Variants in MACF1 observed in about 807,000 individuals in gnomAD.
MACF1 encodes microtubule actin crosslinking factor 1, also known as microtubule-actin cross-linking factor 1.
In MACF1, 193 loss-of-function variants were observed where a neutral mutation model predicts 854.8. The observed-to-expected ratio is 0.23, with a 90% CI of 0.20 to 0.25. The LOEUF is 0.25. Among genes scored for constraint, MACF1 ranks in the 10% least tolerant of loss-of-function variants. The pLI is 1.00. For missense variants in MACF1, 7,722 were observed against 8,929.1 expected, an observed-to-expected ratio of 0.86 and a Z score of 5.45; for synonymous variants, 3,185 against 3,226.7, an observed-to-expected ratio of 0.99 and a Z score of 0.44.
chr1:39,336,801 T>A, intron 37 of MACF1, 148 bp downstream of exon 37: 1 of 803,144 alleles, frequency 1.2e-6, no homozygotes, highest in Non-Finnish European at 1.8e-6. Flanking sequence ...TATAACTTAG[T>A]TTATCATCAT....
intron 2 of MACF1, among the ~76,000 whole-genome samples, chr1:39,131,661 C>T (rs1222831706): frequency 6.6e-6 from 1 of 152,048 alleles, no homozygotes; most frequent in Non-Finnish European, 1.5e-5. Flanking sequence ...TGGAGGGAAG[C>T]TTTAAATACA....
rs1571043754 is a variant in MACF1, at chr1:39,105,067, C to T, written c.220+20629C>T. The stretch of plus-strand genomic sequence containing the variant: ...GTGGAGCCGGCCCGGGTCTCCCTGC[C>T]GTTCGGCCGGCCCAGCCTTTCATCC... On this transcript the variant is annotated intron_variant, in intron 2 of 93. Transcript: ENST00000361689. The surrounding 1 kb of genome is among the most constrained non-coding windows in gnomAD (Gnocchi z 5.9). 6.6e-6 allele frequency among the ~76,000 whole-genome samples: 1 copy of T among 152,178 alleles called. No homozygotes were observed. The highest frequency in any genetic ancestry group is 1.5e-5 in the Non-Finnish European group (1 of 68,000).
intron 44 of MACF1, among the ~76,000 whole-genome samples, chr1:39,356,670 C>T (rs781403242): frequency 1.3e-5 from 2 of 152,164 alleles, no homozygotes; most frequent in African/African-American, 2.4e-5. Flanking sequence ...CATGCCTGGC[C>T]AAACTTACAA....
At chr1:39,438,373 A>G (rs777801541) in intron 71 of MACF1, among the ~76,000 whole-genome samples, 1 of 152,202 alleles carries the variant, frequency 6.6e-6, no homozygotes, top group Non-Finnish European at 1.5e-5. Context: ...GCCCTTTTGT[A>G]AGTTAGGGGT....
upstream of MACF1, among the ~76,000 whole-genome samples, chr1:39,201,719 C>T (rs1644391657): frequency 1.3e-5 from 2 of 152,008 alleles, no homozygotes; most frequent in Admixed American, 1.3e-4. Context: ...AATGGCTTCC[C>T]GTTTCACCTA....
At chr1:39,382,236 C>A in intron 56 of MACF1, 84 bp downstream of exon 56, 1 of 1,273,688 alleles carries the variant, frequency 7.9e-7, no homozygotes, top group Non-Finnish European at 1.1e-6. Flanking sequence ...TCATGTGATC[C>A]TGGACAAGTC....
chr1:39,337,264 G>A lies in MACF1; in HGVS notation c.10148G>A (p.Arg3383Lys). The A allele has an allele frequency of 1.2e-6, 2 of 1,613,986 alleles. No homozygotes were observed. The highest frequency in any genetic ancestry group is 1.7e-6 in the Non-Finnish European group (2 of 1,179,956). Residue 3383 changes from arginine (R) to lysine (K), a missense_variant, in exon 38 of 101, where the codon AGG (arginine) becomes AAG (lysine). By Grantham distance (26) the Arg-to-Lys change is conservative. Around this residue, in one of 15 missense-constraint regions of MACF1, gnomAD observed 854 missense variants for 852.6 expected, o/e 1.00. Transcript: ENST00000564288. ...YLSLLRNIEM[R>K]TKQIQPLELN... ...TCTCTGTTACGGAACATTGAAATGA[G>A]GACCAAACAGATTCAACCTTTGGAG...
At chr1:39,444,134 G>A (rs1018449796) in intron 79 of MACF1, among the ~76,000 whole-genome samples, 2 of 152,124 alleles carry the variant, frequency 1.3e-5, no homozygotes, top group African/African-American at 4.8e-5. Context: ...AGGAGATCAA[G>A]ACCATCCTGG....
chr1:39,154,881 A>G (rs1296006126), intron 2 of MACF1, among the ~76,000 whole-genome samples: 3 of 152,126 alleles, frequency 2.0e-5, no homozygotes, highest in South Asian at 2.1e-4. Context: ...TGGAGACAGA[A>G]GGGCTTTTTT....
In MACF1 at chr1:39,233,775, CTTT is replaced by C. The variant is rs11286953; in HGVS notation, c.171+2552_171+2554del. On this transcript the variant is annotated intron_variant, in intron 2 of 100. Coordinates refer to ENST00000564288, the MANE Select transcript of MACF1 (RefSeq NM_001394062.1). Reference sequence around the variant, plus strand: ...TCATCTGTATGTTACCTAGCCATAGCTTTTTTTTTTTTTTTTTTTTTTATTTAT... The same window carrying C: ...TCATCTGTATGTTACCTAGCCATAGCTTTTTTTTTTTTTTTTTTTATTTAT... 2.3e-3 allele frequency among the ~76,000 whole-genome samples: 84 copies of C among 36,546 alleles called. 5 individuals are homozygous for C. The highest frequency in any genetic ancestry group is 9.8e-3 in the South Asian group (5 of 512). 24.0% of individuals were successfully genotyped at this position (36,546 alleles called of 152,430 possible).
chr1:39,141,656 A>C lies in MACF1; in HGVS notation c.220+57218A>C, dbSNP rs114388899. On this transcript the variant is annotated intron_variant, in intron 2 of 93. Coordinates refer to the MACF1 transcript ENST00000361689. ...TGCAGTCTTAGCTACAGTAATGGGG[A>C]TAGGACATGTTTCTTGCCTTGTAGA... Among the ~76,000 whole-genome samples the C allele has an allele frequency of 2.7e-3, 412 of 152,322 alleles. 1 individual carries two copies. Among genetic ancestry groups the C allele is most frequent in the Admixed American group, 6.2e-3 (95 of 15,292 alleles).
chr1:39,175,264 G>C (rs968097315), intron 2 of MACF1, among the ~76,000 whole-genome samples: 1 of 152,130 alleles, frequency 6.6e-6, no homozygotes, highest in Non-Finnish European at 1.5e-5. Flanking sequence ...AGAAATTAAA[G>C]TATATAAACA....
At chr1:39,226,455 G>A (rs545655493) in intron 1 of MACF1, among the ~76,000 whole-genome samples, 6 of 151,692 alleles carry the variant, frequency 4.0e-5, no homozygotes, top group African/African-American at 1.2e-4. Flanking sequence ...GTTCTCCTGC[G>A]TCAGCCTTCC....
chr1:39,218,948 T>C (rs1378071580), intron 1 of MACF1, among the ~76,000 whole-genome samples: 1 of 152,062 alleles, frequency 6.6e-6, no homozygotes, highest in African/African-American at 2.4e-5. Context: ...ACCTGGCTGA[T>C]TTTTGTACTT....
chr1:39,219,981 C>T (rs1357754681), intron 1 of MACF1, among the ~76,000 whole-genome samples: 2 of 152,084 alleles, frequency 1.3e-5, no homozygotes, highest in Admixed American at 6.6e-5. Flanking sequence ...GAACTCCTGA[C>T]CTCAGGTGAT....
chr1:39,175,626 GCTTT>G (rs1644012272), intron 2 of MACF1, among the ~76,000 whole-genome samples: 3 of 152,022 alleles, frequency 2.0e-5, no homozygotes, highest in Admixed American at 6.6e-5. Flanking sequence ...CTTCTTTTCT[GCTTT>G]CTGTTTTTCT....
intron 20 of MACF1, among the ~76,000 whole-genome samples, chr1:39,296,844 AAAAG>A (rs1174409249): frequency 2.2e-5 from 3 of 135,798 alleles, no homozygotes; most frequent in South Asian, 2.3e-4. Context: ...GGAAGGAAGG[AAAAG>A]AAAGAAAGAG....
chr1:39,187,077 T>G (rs1482877373), intron 2 of MACF1, among the ~76,000 whole-genome samples: 1 of 151,944 alleles, frequency 6.6e-6, no homozygotes, highest in Non-Finnish European at 1.5e-5. Context: ...CCCCTTAACG[T>G]ACACACTTTC....
chr1:39,320,542 A>T (rs959493845), intron 31 of MACF1, among the ~76,000 whole-genome samples: 1 of 152,226 alleles, frequency 6.6e-6, no homozygotes, highest in African/African-American at 2.4e-5. Flanking sequence ...AAATAAGATC[A>T]TGTCACTCTC....
Sources: allele counts gnomAD v4.1 joint callset (sites outside exome capture counted in the v4.1 genomes callset), GRCh38; gene constraint gnomAD v4.1.1; regional missense constraint gnomAD v4.1.1; non-coding constraint Gnocchi (gnomAD v3.1); transcripts MANE v1.5; gene names NCBI Gene and HGNC (gene_info 2026-07-23, HGNC 2026-07-21).